Variants in CADM1 observed in about 807,000 individuals in gnomAD.
CADM1 encodes TSLC-1.
In CADM1, 15 loss-of-function variants were observed where a neutral mutation model predicts 53.1. The ratio of observed to expected loss-of-function variants is 0.28; its 90% CI spans 0.19 to 0.44. The LOEUF (loss-of-function observed/expected upper bound fraction) is 0.44, where lower values mean the gene tolerates loss of function less well. Ranked by LOEUF, CADM1 falls within the 20% of genes least tolerant of loss-of-function variation. The pLI, the probability that CADM1 is intolerant of heterozygous loss-of-function variation, is 1.00. For synonymous variants in CADM1, 281 were observed against 243.0 expected, an observed-to-expected ratio of 1.16 and a Z score of -1.45; for missense variants, 434 against 611.3, an observed-to-expected ratio of 0.71 and a Z score of 3.06.
At chr11:115,499,721 C>T (rs905680539) in intron 1 of CADM1, among the ~76,000 whole-genome samples, 3 of 152,188 alleles carry the variant, frequency 2.0e-5, no homozygotes, top group African/African-American at 4.8e-5. Flanking sequence ...CCCTGGCCTT[C>T]GGCTACTTTA....
intron 1 of CADM1, among the ~76,000 whole-genome samples, chr11:115,322,898 A>G (rs1015605888): frequency 6.6e-6 from 1 of 152,176 alleles, no homozygotes; most frequent in Non-Finnish European, 1.5e-5. Context: ...ATAATATAAT[A>G]TTCATGTACA....
chr11:115,293,547 C>G (rs4938196), intron 1 of CADM1, among the ~76,000 whole-genome samples: 17,523 of 152,188 alleles, frequency 0.12, 1,120 homozygotes, highest in South Asian at 0.28. Flanking sequence ...AACAAAAAAC[C>G]CAACTTGTAA....
At chr11:115,202,666 T>C (rs1940490646) in intron 8 of CADM1, among the ~76,000 whole-genome samples, 1 of 152,182 alleles carries the variant, frequency 6.6e-6, no homozygotes, top group Admixed American at 6.5e-5. Flanking sequence ...TAATACACTT[T>C]CTCCCAGTTT....
intron 9 of CADM1, chr11:115,193,777 C>A (rs1940010663): frequency 6.6e-6 from 1 of 151,968 alleles, no homozygotes; most frequent in East Asian, 1.9e-4. Flanking sequence ...AAAACTTAGC[C>A]CACCGGCCCT....
At chr11:115,201,641 T>C (rs529250847) in intron 8 of CADM1, among the ~76,000 whole-genome samples, 25 of 152,158 alleles carry the variant, frequency 1.6e-4, no homozygotes, top group African/African-American at 4.6e-4. Context: ...AATGCTATAA[T>C]CAGCTTGAAA....
intron 11 of CADM1, 142 bp from the exon 12 acceptor site, chr11:115,176,734 A>G: frequency 1.3e-6 from 1 of 761,952 alleles, no homozygotes; most frequent in East Asian, 2.6e-5. Context: ...GGAAGAAGAG[A>G]GCGGGGTGGG....
intron 1 of CADM1, among the ~76,000 whole-genome samples, chr11:115,446,401 A>C (rs1338431712): frequency 2.6e-5 from 4 of 152,284 alleles, no homozygotes; most frequent in Non-Finnish European, 5.9e-5. Flanking sequence ...TTTATTTGTA[A>C]TCCAGCAACT....
At chr11:115,423,399 G>A (rs185015051) in intron 1 of CADM1, among the ~76,000 whole-genome samples, 74 of 152,216 alleles carry the variant, frequency 4.9e-4, no homozygotes, top group African/African-American at 1.7e-3. Flanking sequence ...AAGAAGAAAT[G>A]GAAAAGAACC....
chr11:115,284,087 A>ACTCACTCTCTCTCT (rs1555055856), intron 1 of CADM1, among the ~76,000 whole-genome samples: 8 of 47,572 alleles, frequency 1.7e-4, no homozygotes, highest in African/African-American at 7.3e-4. Flanking sequence ...AAGCCCAGAC[A>ACTCACTCTCTCTCT]CTCTCTCTCT....
At chr11:115,454,073 A>T (rs900587075) in intron 1 of CADM1, among the ~76,000 whole-genome samples, 6 of 152,148 alleles carry the variant, frequency 3.9e-5, no homozygotes, top group Non-Finnish European at 5.9e-5. Flanking sequence ...AACAAAACAA[A>T]AAAAAAACAA....
intron 1 of CADM1, among the ~76,000 whole-genome samples, chr11:115,319,184 A>G (rs1246750733): frequency 6.6e-6 from 1 of 152,154 alleles, no homozygotes; most frequent in Non-Finnish European, 1.5e-5. Flanking sequence ...CCTGGTAAAG[A>G]TAACATTTCC....
At chr11:115,214,883 G>C (rs1372325274) in intron 6 of CADM1, 103 bp from the exon 7 acceptor site, 22 of 1,135,236 alleles carry the variant, frequency 1.9e-5, no homozygotes, top group Non-Finnish European at 2.9e-5. Context: ...ACCTACTGGA[G>C]ATATTTTAAG....
At chr11:115,342,381 A>G (rs190224349) in intron 1 of CADM1, among the ~76,000 whole-genome samples, 2 of 152,284 alleles carry the variant, frequency 1.3e-5, no homozygotes, top group Non-Finnish European at 2.9e-5. Context: ...AAACTAGGAA[A>G]TCCAAACATT....
rs1938728430 is a variant in CADM1 at position 115,169,696 on chromosome 11, G to A, written c.*6778C>T. 2 of 453,600 alleles carry A rather than the reference G, an allele frequency of 4.4e-6. No individual in the cohort carries two copies. The highest frequency in any genetic ancestry group is 8.9e-6 in the Non-Finnish European group (2 of 225,690). 28.1% of individuals were successfully genotyped at this position (453,600 alleles called of 1,614,324 possible). A position where few individuals can be genotyped will look rare whatever the true frequency, so the allele number is the denominator to read the frequency against. ...ATTTCGTCACTAGCTAACAGAGACTGATTAGTGCAGAAGATTCCCTTCCAT... is the reference window on the plus strand; with the variant it reads ...ATTTCGTCACTAGCTAACAGAGACTAATTAGTGCAGAAGATTCCCTTCCAT... On this transcript the variant is annotated 3_prime_UTR_variant, in exon 12 of 12. Coordinates refer to ENST00000331581, the MANE Select transcript of CADM1 (RefSeq NM_001301043.2).
intron 1 of CADM1, among the ~76,000 whole-genome samples, chr11:115,279,681 T>C (rs554847726): frequency 2.5e-4 from 38 of 152,332 alleles, no homozygotes; most frequent in Non-Finnish European, 2.2e-4. Context: ...AATGACATAA[T>C]TCCTCTATGG....
rs1408840850 is a variant in CADM1 at position 115,175,256 on chromosome 11, CA to C, written c.*1217del. ...TTTGTACCTCCTGCCTTTGTCAAGC[CA>C]AATCTGAAGGAATGAAAGTTTCACA... On this transcript the variant is annotated 3_prime_UTR_variant, in exon 12 of 12. Transcript: ENST00000331581. The C allele has an allele frequency of 1.0e-6, 1 of 985,262 alleles. No homozygotes were observed. The highest frequency in any genetic ancestry group is 1.2e-6 in the Non-Finnish European group (1 of 829,922). The allele number at this position is 985,262 out of a possible 1,614,324, so 61.0% of individuals were successfully genotyped here.
At chr11:115,382,239 G>T (rs1946597710) in intron 1 of CADM1, among the ~76,000 whole-genome samples, 1 of 152,098 alleles carries the variant, frequency 6.6e-6, no homozygotes, top group African/African-American at 2.4e-5. Flanking sequence ...TTTGCATGAG[G>T]TTGGGTAAAA....
At chr11:115,477,359 C>A (rs972507056) in intron 1 of CADM1, among the ~76,000 whole-genome samples, 1 of 152,214 alleles carries the variant, frequency 6.6e-6, no homozygotes, top group African/African-American at 2.4e-5. Context: ...TATTTCCATT[C>A]TCTTCCCAAG....
At chr11:115,272,442 ATTAGT>A (rs1047134049) in intron 1 of CADM1, among the ~76,000 whole-genome samples, 3 of 152,294 alleles carry the variant, frequency 2.0e-5, no homozygotes, top group East Asian at 1.9e-4. Context: ...GAAAAAAAAC[ATTAGT>A]TTAATCAGTT....
Sources: allele counts gnomAD v4.1 joint callset (sites outside exome capture counted in the v4.1 genomes callset), GRCh38; gene constraint gnomAD v4.1.1; transcripts MANE v1.5; gene names NCBI Gene and HGNC (gene_info 2026-07-23, HGNC 2026-07-21).